The following KIAA2013 variants were observed in gnomAD, a reference collection of about 807,000 sequenced individuals.
KIAA2013 encodes the protein uncharacterized protein KIAA2013.
In KIAA2013, 20 loss-of-function variants were observed where a neutral mutation model predicts 39.9. The observed-to-expected ratio is 0.50, with a 90% CI of 0.35 to 0.73. The LOEUF (loss-of-function observed/expected upper bound fraction) is 0.73. Ranked by LOEUF, KIAA2013 falls within the 30% of genes least tolerant of loss-of-function variation. The pLI is 0.01. For synonymous variants in KIAA2013, 336 were observed against 416.6 expected, an observed-to-expected ratio of 0.81 and a Z score of 2.35; for missense variants, 587 against 856.1, an observed-to-expected ratio of 0.69 and a Z score of 3.92.
At position 11,923,281 on chromosome 1, in the gene KIAA2013, C is replaced by G. The variant is rs1443783300; in HGVS notation, c.1242G>C (p.Pro414=). The change falls in exon 2 of 3, where the codon CCG becomes CCC. Residue 414 remains proline, a synonymous_variant. Coordinates refer to ENST00000376572, the MANE Select transcript of KIAA2013 (RefSeq NM_138346.3). The surrounding 1 kb of genome is among the most constrained non-coding windows in gnomAD (Gnocchi z 4.6). ...TCTGCTGGACGGAGGACAGCCGCCCCGGCCACAGGTTCTCGGCGTGCATGG... is the reference window on the plus strand; with the variant it reads ...TCTGCTGGACGGAGGACAGCCGCCCGGGCCACAGGTTCTCGGCGTGCATGG... The part of the protein sequence containing the change: ...HATMHAENLW[P]GRLSSVQQIL... The G allele has an allele frequency of 2.5e-6, 4 of 1,613,078 alleles. No individual in the cohort carries two copies. The African/African-American group carries it at 4.0e-5, about 16-fold the overall frequency.
rs745510037 is a variant in KIAA2013 at position 11,925,692 on chromosome 1, G to A, written c.546C>T (p.Gly182=). The A allele has an allele frequency of 2.3e-5, 37 of 1,592,642 alleles. No homozygotes were observed. In the African/African-American group the frequency reaches 4.4e-4, roughly 19 times the overall value. Residue 182 remains glycine (G), a synonymous_variant, in exon 1 of 3, where the codon GGC becomes GGT. Transcript: ENST00000376572. The surrounding 1 kb of genome is among the most constrained non-coding windows in gnomAD (Gnocchi z 5.2). ...CCTCTTGCAGCAGCACGCAGTCGCG[G>A]CCGGACCCCGCGGCAAGGCCAGAGA... The part of the protein sequence containing the change: ...ASVSGLAAGS[G]RDCVLLQEDF...
Position 11,925,424 on chromosome 1 carries a change from G to T in KIAA2013, c.814C>A (p.Arg272Ser), listed in dbSNP as rs779911246. 3.7e-6 allele frequency: 6 copies of T among 1,613,096 alleles called. No individual in the cohort carries two copies. The highest frequency in any genetic ancestry group is 4.2e-6 in the Non-Finnish European group (5 of 1,179,456). The change falls in exon 1 of 3, where the codon CGC becomes AGC. Residue 272 changes from arginine to serine, a missense_variant. Physicochemically the swap from Arg to Ser is moderately radical, Grantham distance 110. Transcript: ENST00000376572. This position sits in a 1 kb window ranked among gnomAD's most constrained non-coding sequence, Gnocchi z 5.2. ...VVVAAKKLVNRLQVAPKTQLD... is the reference protein window; with the variant it reads ...VVVAAKKLVNSLQVAPKTQLD... ...TGCGTCTTGGGAGCCACTTGGAGGC[G>T]GTTCACCAGCTTCTTGGCGGCCACC... is the stretch of plus-strand genomic sequence containing the variant.
At position 11,923,921 on chromosome 1, in the gene KIAA2013, C is replaced by T. The variant is rs1016545030; in HGVS notation, c.1034-432G>A. ...ACAGAGTCTCACTGTGTTGCCCAGG[C>T]TTGAGTGCAGTGGAACGATCTCAGG... On this transcript the variant is annotated intron_variant, in intron 1 of 2. Coordinates refer to ENST00000376572, the MANE Select transcript of KIAA2013 (RefSeq NM_138346.3). This position sits in a 1 kb window ranked among gnomAD's most constrained non-coding sequence, Gnocchi z 4.6. Among the ~76,000 whole-genome samples, 2 of 152,142 alleles carry T rather than the reference C, an allele frequency of 1.3e-5. No individual in the cohort carries two copies. Among genetic ancestry groups the T allele is most frequent in the African/African-American group, 4.8e-5 (2 of 41,420 alleles).
At chr1:11,922,132 G>A (rs1645478159) in intron 2 of KIAA2013, 2 of 172,616 alleles carry the variant, frequency 1.2e-5, no homozygotes, top group Admixed American at 6.2e-5. Flanking sequence ...ATAGGCATGA[G>A]CCACCAGGCC....
At chr1:11,924,248 G>A (rs1488252906) in intron 1 of KIAA2013, among the ~76,000 whole-genome samples, 1 of 149,068 alleles carries the variant, frequency 6.7e-6, no homozygotes, top group Non-Finnish European at 1.5e-5. Context: ...CGGATCATGA[G>A]GTCAGGTTAA....
At chr1:11,924,293 C>T (rs12757251) in intron 1 of KIAA2013, among the ~76,000 whole-genome samples, 5,386 of 143,986 alleles carry the variant, frequency 0.037, 129 homozygotes, top group Non-Finnish European at 0.052. Flanking sequence ...GGTTTCGCCA[C>T]GTTGGCCAGG....
intron 1 of KIAA2013, among the ~76,000 whole-genome samples, chr1:11,924,446 T>C (rs1645493657): frequency 6.6e-6 from 1 of 152,164 alleles, no homozygotes; most frequent in Non-Finnish European, 1.5e-5. Flanking sequence ...ACTTTTCTAA[T>C]GTCTGTCTTC....
chr1:11,923,034 C>A lies in KIAA2013; in HGVS notation c.1489G>T (p.Val497Leu). 6.2e-7 allele frequency: 1 copy of A among 1,611,158 alleles called. No individual in the cohort carries two copies. The highest frequency in any genetic ancestry group is 1.1e-5 in the South Asian group (1 of 91,026). ...RYKNDHINLA[V>L]LADAEGKPYL... Reference sequence around the variant, plus strand: ...GGCTTGCCCTCGGCATCCGCCAGCACGGCCAGGTTGATATGGTCGTTCTTG... The same window carrying A: ...GGCTTGCCCTCGGCATCCGCCAGCAAGGCCAGGTTGATATGGTCGTTCTTG... The change falls in exon 2 of 3, where the codon GTG (valine) becomes TTG (leucine). Residue 497 changes from valine (V) to leucine (L), a missense_variant. Coordinates refer to ENST00000376572, the MANE Select transcript of KIAA2013 (RefSeq NM_138346.3). The surrounding 1 kb of genome is among the most constrained non-coding windows in gnomAD (Gnocchi z 4.6).
At position 11,922,592 on chromosome 1, in the gene KIAA2013, G is replaced by A. The variant is rs368369701; in HGVS notation, c.1887+44C>T. On this transcript the variant is annotated intron_variant, in intron 2 of 2. Transcript: ENST00000376572. Reference sequence around the variant, plus strand: ...CCCCTTCCGAGACACAGGGCTGAGAGCAAGGCCAAGGCCTCGGGTTTCGAC... The same window carrying A: ...CCCCTTCCGAGACACAGGGCTGAGAACAAGGCCAAGGCCTCGGGTTTCGAC... 1.2e-5 allele frequency: 19 copies of A among 1,603,366 alleles called. No individual in the cohort carries two copies. In the African/African-American group the frequency reaches 1.6e-4, roughly 14 times the overall value.
chr1:11,925,695 G>C lies in KIAA2013; in HGVS notation c.543C>G (p.Ser181=), dbSNP rs1220691473. The part of the protein sequence containing the change: ...PASVSGLAAG[S]GRDCVLLQED... ...CTTGCAGCAGCACGCAGTCGCGGCCGGACCCCGCGGCAAGGCCAGAGACGG... is the reference window on the plus strand; with the variant it reads ...CTTGCAGCAGCACGCAGTCGCGGCCCGACCCCGCGGCAAGGCCAGAGACGG... The change falls in exon 1 of 3, where the codon TCC becomes TCG. Residue 181 remains serine, a synonymous_variant. Coordinates refer to ENST00000376572, the MANE Select transcript of KIAA2013 (RefSeq NM_138346.3). This position sits in a 1 kb window ranked among gnomAD's most constrained non-coding sequence, Gnocchi z 5.2. The C allele has an allele frequency of 5.0e-6, 8 of 1,591,318 alleles. No homozygotes were observed. The highest frequency in any genetic ancestry group is 6.8e-6 in the Non-Finnish European group (8 of 1,173,342).
chr1:11,920,192 C>T lies in KIAA2013; in HGVS notation c.*123G>A, dbSNP rs1325141354. On this transcript the variant is annotated 3_prime_UTR_variant, in exon 3 of 3. Transcript: ENST00000376572. ...GTATCCACACTCACTTCTGCGTCAC[C>T]GGTTTCCCCCAACAAGGCACAAAGG... The T allele has an allele frequency of 2.4e-5, 25 of 1,029,378 alleles. No homozygotes were observed. The highest frequency in any genetic ancestry group is 7.1e-5 in the East Asian group (3 of 42,304). 63.8% of individuals were successfully genotyped at this position (1,029,378 alleles called of 1,614,324 possible). A position where few individuals can be genotyped will look rare whatever the true frequency, so the allele number is the denominator to read the frequency against.
At position 11,919,926 on chromosome 1, in the gene KIAA2013, TA is replaced by T. The variant is rs1436131538; in HGVS notation, c.*388del. 50 of 238,124 alleles carry T rather than the reference TA, an allele frequency of 2.1e-4. 1 individual carries two copies. Among genetic ancestry groups the T allele is most frequent in the Admixed American group, 2.7e-4 (5 of 18,468 alleles). 14.8% of individuals were successfully genotyped at this position (238,124 alleles called of 1,614,324 possible). A position where few individuals can be genotyped will look rare whatever the true frequency, so the allele number is the denominator to read the frequency against. ...TAGCAAAATCTCAACAAAAATAAAT[TA>T]AAACTTCATTAAGAAAGAACACGTT... On this transcript the variant is annotated 3_prime_UTR_variant, in exon 3 of 3. Transcript: ENST00000376572.
Position 11,920,164 on chromosome 1 carries a change from GGTGTATCCACACTCACTTCTGC to G in KIAA2013, c.*129_*150del. 1.2e-6 allele frequency: 1 copy of G among 814,272 alleles called. No individual in the cohort carries two copies. Among genetic ancestry groups the G allele is most frequent in the South Asian group, 1.4e-5 (1 of 68,992 alleles). The allele number at this position is 814,272 out of a possible 1,614,324, so 50.4% of individuals were successfully genotyped here. On this transcript the variant is annotated 3_prime_UTR_variant, in exon 3 of 3. Transcript: ENST00000376572. Reference sequence around the variant, plus strand: ...ACTCATTCCTTCCAATGCAAACTCTGGTGTATCCACACTCACTTCTGCGTCACCGGTTTCCCCCAACAAGGCA... The same window carrying G: ...ACTCATTCCTTCCAATGCAAACTCTGGTCACCGGTTTCCCCCAACAAGGCA...
chr1:11,920,104 A>C lies in KIAA2013; in HGVS notation c.*211T>G. ...TCATTTTATTGAGTGGAAAGCTTACAAAAGGTCCACTGGCCCCTTCCCTCC... is the reference window on the plus strand; with the variant it reads ...TCATTTTATTGAGTGGAAAGCTTACCAAAGGTCCACTGGCCCCTTCCCTCC... On this transcript the variant is annotated 3_prime_UTR_variant, in exon 3 of 3. Coordinates refer to ENST00000376572, the MANE Select transcript of KIAA2013 (RefSeq NM_138346.3). 3.2e-6 allele frequency: 2 copies of C among 627,544 alleles called. No individual in the cohort carries two copies. The highest frequency in any genetic ancestry group is 1.8e-5 in the South Asian group (1 of 54,246). 38.9% of individuals were successfully genotyped at this position (627,544 alleles called of 1,614,324 possible).
chr1:11,920,413 ACC>A, intron 2 of KIAA2013, 81 bp from the exon 3 acceptor site: 1 of 1,422,212 alleles, frequency 7.0e-7, no homozygotes, highest in Non-Finnish European at 9.9e-7. Flanking sequence ...TACGGAGACA[ACC>A]CTAGTGGCAC....
chr1:11,924,973 A>G (rs1645497178), intron 1 of KIAA2013, among the ~76,000 whole-genome samples: 1 of 152,224 alleles, frequency 6.6e-6, no homozygotes, highest in African/African-American at 2.4e-5. Flanking sequence ...TCAATTGTCC[A>G]CTACAGTCTC....
In KIAA2013 at chr1:11,920,109, G is replaced by A. The variant is rs1645465923; in HGVS notation, c.*206C>T. ...TTATTGAGTGGAAAGCTTACAAAAG[G>A]TCCACTGGCCCCTTCCCTCCCCACG... On this transcript the variant is annotated 3_prime_UTR_variant, in exon 3 of 3. Transcript: ENST00000376572. The A allele has an allele frequency of 7.9e-6, 5 of 635,466 alleles. No individual in the cohort carries two copies. Among genetic ancestry groups the A allele is most frequent in the Admixed American group, 2.6e-5 (1 of 37,768 alleles). The allele number at this position is 635,466 out of a possible 1,614,324, so 39.4% of individuals were successfully genotyped here.
chr1:11,925,942 G>A lies in KIAA2013; in HGVS notation c.296C>T (p.Ala99Val), dbSNP rs1054704615. The A allele has an allele frequency of 1.6e-5, 24 of 1,536,686 alleles. No homozygotes were observed. Among genetic ancestry groups the A allele is most frequent in the Non-Finnish European group, 1.9e-5 (22 of 1,149,158 alleles). ...VPALVANGFL[A>V]LDVAANRLWV... ...CAGCCGATTGGCAGCCACGTCCAGGGCCAGGAAGCCGTTGGCCACCAGGGC... is the reference window on the plus strand; with the variant it reads ...CAGCCGATTGGCAGCCACGTCCAGGACCAGGAAGCCGTTGGCCACCAGGGC... The change falls in exon 1 of 3, where the codon GCC (alanine) becomes GTC (valine). Residue 99 changes from alanine to valine, a missense_variant. Physicochemically the swap from Ala to Val is moderately conservative, Grantham distance 64. Coordinates refer to ENST00000376572, the MANE Select transcript of KIAA2013 (RefSeq NM_138346.3). This position sits in a 1 kb window ranked among gnomAD's most constrained non-coding sequence, Gnocchi z 5.2.
intron 2 of KIAA2013, among the ~76,000 whole-genome samples, chr1:11,921,155 A>C (rs528816849): frequency 4.6e-5 from 7 of 152,328 alleles, no homozygotes; most frequent in Admixed American, 3.9e-4. Flanking sequence ...ACAACTGCTA[A>C]CAAAGGCCTC....
Sources: gnomAD v4.1 joint callset for allele counts (sites outside exome capture counted in the v4.1 genomes callset) on GRCh38, gnomAD v4.1.1 for gene constraint, Gnocchi (gnomAD v3.1) non-coding constraint, MANE v1.5 for transcripts, NCBI Gene and HGNC (gene_info 2026-07-23, HGNC 2026-07-21) for gene names.